The following RPRD1A variants were observed in gnomAD, a reference collection of about 807,000 sequenced individuals.
RPRD1A encodes the protein regulation of nuclear pre-mRNA domain-containing protein 1A.
Under a neutral mutation model 37.8 loss-of-function variants are expected in RPRD1A, and 9 were observed. The observed-to-expected ratio is 0.24, with a 90% CI of 0.14 to 0.42. The LOEUF is 0.42. RPRD1A is among the 10% of genes least tolerant of loss of function. The pLI is 1.00. For synonymous variants in RPRD1A, 138 were observed against 139.7 expected (o/e 0.99, Z 0.08); for missense variants, 255 against 371.0 (o/e 0.69, Z 2.57).
intron 1 of RPRD1A, among the ~76,000 whole-genome samples, chr18:36,050,289 G>A (rs1282813180): frequency 6.6e-6 from 1 of 151,614 alleles, no homozygotes; most frequent in African/African-American, 2.4e-5. Flanking sequence ...CCAGGCGGGA[G>A]TGCAGTGGCA....
chr18:36,007,512 C>T (rs1229496632), intron 6 of RPRD1A, among the ~76,000 whole-genome samples: 1 of 152,202 alleles, frequency 6.6e-6, no homozygotes, highest in Non-Finnish European at 1.5e-5. Context: ...GAGAAGGACA[C>T]TGCTTCTTTA....
rs143369931 is a variant in RPRD1A at position 36,025,984 on chromosome 18, G to A, written c.789+916C>T. 2.1e-3 allele frequency: 373 copies of A among 180,052 alleles called. 1 individual carries two copies. Among genetic ancestry groups the A allele is most frequent in the African/African-American group, 8.6e-3 (360 of 41,872 alleles). 11.2% of individuals were successfully genotyped at this position (180,052 alleles called of 1,614,324 possible). ...AAGGAGTAAATTGCAAAGGAGTAGT[G>A]CTAACTTGAGAGCTGGGAATTTGAG... On this transcript the variant is annotated intron_variant, in intron 6 of 6. Transcript: ENST00000399022.
At chr18:36,047,470 A>G (rs2144361956) in intron 1 of RPRD1A, among the ~76,000 whole-genome samples, 1 of 152,258 alleles carries the variant, frequency 6.6e-6, no homozygotes, top group Non-Finnish European at 1.5e-5. Flanking sequence ...GAATGAAATA[A>G]TAAAGGTTAG....
chr18:36,054,687 C>T lies in RPRD1A; in HGVS notation c.151+12567G>A, dbSNP rs72884941. ...CAAGTCCCACGATCTGCAGTTCAGA[C>T]TGCAGGAGAGCCTAGAGACCCAGGG... is the stretch of plus-strand genomic sequence containing the variant. On this transcript the variant is annotated intron_variant, in intron 1 of 6. Transcript: ENST00000399022. Among the ~76,000 whole-genome samples the T allele has an allele frequency of 9.9e-3, 1,502 of 152,104 alleles. 7 individuals are homozygous for T. Among genetic ancestry groups the T allele is most frequent in the Non-Finnish European group, 0.016 (1,090 of 67,982 alleles).
intron 6 of RPRD1A, among the ~76,000 whole-genome samples, chr18:36,023,282 A>G (rs989050960): frequency 6.6e-6 from 1 of 152,224 alleles, no homozygotes; most frequent in African/African-American, 2.4e-5. Flanking sequence ...GGAGTTTGGA[A>G]GAAGTTTACT....
chr18:36,038,188 G>A (rs1912331642), intron 1 of RPRD1A, among the ~76,000 whole-genome samples: 2 of 152,258 alleles, frequency 1.3e-5, no homozygotes, highest in African/African-American at 4.8e-5. Flanking sequence ...TCCAGGGCAT[G>A]TCAGAGACCT....
intron 1 of RPRD1A, among the ~76,000 whole-genome samples, chr18:36,061,513 G>A (rs150590245): frequency 6.6e-6 from 1 of 152,300 alleles, no homozygotes; most frequent in Non-Finnish European, 1.5e-5. Context: ...ATCTTTCAGC[G>A]AGTGTGTGTA....
intron 2 of RPRD1A, among the ~76,000 whole-genome samples, chr18:36,031,506 GTTAT>G (rs1241403819): frequency 2.2e-4 from 33 of 152,204 alleles, no homozygotes; most frequent in Non-Finnish European, 4.9e-4. Flanking sequence ...TATGGCAGTT[GTTAT>G]TTATAAGTAT....
chr18:36,058,622 G>A (rs1034984770), intron 1 of RPRD1A, among the ~76,000 whole-genome samples: 1 of 152,058 alleles, frequency 6.6e-6, no homozygotes, highest in African/African-American at 2.4e-5. Flanking sequence ...GCTTTTCTGG[G>A]GAATTAATAT....
chr18:36,016,926 C>T (rs925035214), intron 6 of RPRD1A, among the ~76,000 whole-genome samples: 1 of 151,952 alleles, frequency 6.6e-6, no homozygotes, highest in African/African-American at 2.4e-5. Context: ...AAAAGGTATT[C>T]AATGGGTGAT....
intron 1 of RPRD1A, chr18:36,063,153 T>C (rs1014397043): frequency 3.9e-5 from 6 of 152,198 alleles, no homozygotes; most frequent in Non-Finnish European, 7.3e-5. Context: ...TTATCTAACA[T>C]ATATAATTTT....
intron 1 of RPRD1A, among the ~76,000 whole-genome samples, chr18:36,042,460 T>C (rs1912648634): frequency 6.6e-6 from 1 of 152,222 alleles, no homozygotes; most frequent in Admixed American, 6.5e-5. Flanking sequence ...ACTTAGTTTC[T>C]GATCATTAAC....
chr18:36,013,623 G>A (rs571076958), intron 6 of RPRD1A, among the ~76,000 whole-genome samples: 6 of 152,156 alleles, frequency 3.9e-5, no homozygotes, highest in Non-Finnish European at 7.3e-5. Context: ...GAACAGGAAG[G>A]AGAGCCACTC....
intron 1 of RPRD1A, among the ~76,000 whole-genome samples, chr18:36,050,201 T>C (rs1913277466): frequency 6.6e-6 from 1 of 151,470 alleles, no homozygotes; most frequent in Admixed American, 6.6e-5. Flanking sequence ...CACCGAACTG[T>C]ACAAGAAAAA....
intron 6 of RPRD1A, among the ~76,000 whole-genome samples, chr18:36,017,388 TG>T (rs1910663176): frequency 6.6e-6 from 1 of 152,184 alleles, no homozygotes; most frequent in Non-Finnish European, 1.5e-5. Context: ...AAGTTGCATC[TG>T]GTCTCCCTAC....
At chr18:36,013,516 T>G (rs918414533) in intron 6 of RPRD1A, among the ~76,000 whole-genome samples, 3 of 152,038 alleles carry the variant, frequency 2.0e-5, no homozygotes, top group African/African-American at 7.3e-5. Flanking sequence ...AAGACCAATA[T>G]CCGAGATAGG....
intron 1 of RPRD1A, among the ~76,000 whole-genome samples, chr18:36,055,979 T>C (rs1044331633): frequency 3.9e-5 from 6 of 152,188 alleles, no homozygotes; most frequent in African/African-American, 1.4e-4. Context: ...TGCCTAGCAC[T>C]TCTATCAAGG....
At position 36,059,517 on chromosome 18, in the gene RPRD1A, AT is replaced by A. The variant is rs528134790; in HGVS notation, c.151+7736del. Among the ~76,000 whole-genome samples the A allele has an allele frequency of 2.0e-5, 3 of 152,306 alleles. No individual in the cohort carries two copies. The South Asian group carries it at 6.2e-4, about 32-fold the overall frequency. ...TTTAAAACAAATAATTATTAAATAA[AT>A]TTTTAAGTGTTTTAATTTCCAATGT... On this transcript the variant is annotated intron_variant, in intron 1 of 6. Coordinates refer to ENST00000399022, the MANE Select transcript of RPRD1A (RefSeq NM_018170.5).
In RPRD1A at chr18:36,030,905, T is replaced by A; in HGVS notation, c.389A>T (p.Tyr130Phe). The A allele has an allele frequency of 6.2e-7, 1 of 1,608,210 alleles. No individual in the cohort carries two copies. Among genetic ancestry groups the A allele is most frequent in the Non-Finnish European group, 8.5e-7 (1 of 1,176,772 alleles). The change falls in exon 4 of 7, where the codon TAT (tyrosine) becomes TTT (phenylalanine). Residue 130 changes from tyrosine (Y) to phenylalanine (F), a missense_variant and splice_region_variant. Transcript: ENST00000399022. The part of the protein sequence containing the change: ...DVLEQLKQAL[Y>F]GDKKPRKRTY... ...TCGCTTCCTAGGCTTCTTATCACCA[T>A]CTGAAATGAAAGAACATTTAAGTAT...
Sources: gnomAD v4.1 joint callset for allele counts (sites outside exome capture counted in the v4.1 genomes callset) on GRCh38, gnomAD v4.1.1 for gene constraint, MANE v1.5 for transcripts, NCBI Gene and HGNC (gene_info 2026-07-23, HGNC 2026-07-21) for gene names.